The following ERC2 variants were observed in gnomAD, a reference collection of about 807,000 sequenced individuals.
ERC2 encodes ERC protein 2.
A neutral mutation model predicts 114.8 loss-of-function variants in ERC2; 42 were observed. The ratio of observed to expected loss-of-function variants is 0.37; its 90% CI spans 0.29 to 0.47. The LOEUF (loss-of-function observed/expected upper bound fraction) is 0.47. Ranked by LOEUF, ERC2 falls within the 20% of genes least tolerant of loss-of-function variation. The pLI is 0.99. For missense variants in ERC2, 939 were observed against 1,150.7 expected (o/e 0.82, Z 2.66); for synonymous variants, 454 against 425.5 (o/e 1.07, Z -0.82).
At chr3:56,079,623 C>G (rs1321719311) in intron 7 of ERC2, among the ~76,000 whole-genome samples, 4 of 152,090 alleles carry the variant, frequency 2.6e-5, no homozygotes, top group Admixed American at 6.5e-5. Context: ...GGACCTCTGA[C>G]CTGTGCAGCT....
chr3:55,944,066 A>T (rs1337619999), intron 13 of ERC2, among the ~76,000 whole-genome samples: 2 of 152,250 alleles, frequency 1.3e-5, no homozygotes, highest in African/African-American at 4.8e-5. Flanking sequence ...GAGTTTGCTT[A>T]GAAAGCCCCC....
intron 17 of ERC2, among the ~76,000 whole-genome samples, chr3:55,672,539 C>T (rs1576055771): frequency 6.6e-6 from 1 of 152,224 alleles, no homozygotes; most frequent in East Asian, 1.9e-4. Context: ...CATGGTGTCA[C>T]CTGTCTGCCC....
At chr3:55,648,780 G>A (rs1352197335) in intron 17 of ERC2, among the ~76,000 whole-genome samples, 2 of 152,132 alleles carry the variant, frequency 1.3e-5, no homozygotes, top group African/African-American at 4.8e-5. Flanking sequence ...GAAATGGTAT[G>A]TTAAGGGGCT....
intron 17 of ERC2, among the ~76,000 whole-genome samples, chr3:55,664,710 G>T (rs533276588): frequency 6.6e-6 from 1 of 152,242 alleles, no homozygotes; most frequent in East Asian, 1.9e-4. Context: ...CCTACATACC[G>T]CGGCCCAGAG....
chr3:55,722,026 G>C (rs2064590303), intron 15 of ERC2, among the ~76,000 whole-genome samples: 1 of 152,188 alleles, frequency 6.6e-6, no homozygotes, highest in African/African-American at 2.4e-5. Context: ...TAGACCTTCT[G>C]AGTTGCCATT....
chr3:55,885,581 G>A (rs1052328202), intron 14 of ERC2, among the ~76,000 whole-genome samples: 1 of 152,180 alleles, frequency 6.6e-6, no homozygotes, highest in Admixed American at 6.5e-5. Flanking sequence ...CAATAATGTG[G>A]CAATTCACCA....
intron 7 of ERC2, among the ~76,000 whole-genome samples, chr3:56,080,277 G>GAAGA (rs1271189621): frequency 1.3e-5 from 2 of 152,176 alleles, no homozygotes; most frequent in Non-Finnish European, 2.9e-5. Context: ...AGGAAGGAAG[G>GAAGA]AAGAGCCCTA....
intron 6 of ERC2, among the ~76,000 whole-genome samples, chr3:56,112,326 C>G (rs1027741222): frequency 6.6e-6 from 1 of 152,070 alleles, no homozygotes; most frequent in Non-Finnish European, 1.5e-5. Context: ...ATTTTTGTCA[C>G]AAGTTTAAAG....
At chr3:56,349,202 G>A (rs2058454858) in intron 2 of ERC2, among the ~76,000 whole-genome samples, 1 of 152,104 alleles carries the variant, frequency 6.6e-6, no homozygotes, top group Admixed American at 6.5e-5. Context: ...AAATAGAGCA[G>A]GCCTGGTGTA....
intron 14 of ERC2, among the ~76,000 whole-genome samples, chr3:55,801,877 G>T (rs1020254865): frequency 6.6e-6 from 1 of 152,244 alleles, no homozygotes; most frequent in Non-Finnish European, 1.5e-5. Context: ...TGCCTGGAGG[G>T]TTTGTTACAA....
chr3:56,375,653 G>C (rs2059512552), intron 2 of ERC2, among the ~76,000 whole-genome samples: 1 of 152,176 alleles, frequency 6.6e-6, no homozygotes, highest in Non-Finnish European at 1.5e-5. Flanking sequence ...AGAAATACTA[G>C]AGGGAGAGAA....
chr3:56,314,255 A>G (rs1164638327), intron 2 of ERC2, among the ~76,000 whole-genome samples: 2 of 152,136 alleles, frequency 1.3e-5, no homozygotes, highest in Non-Finnish European at 2.9e-5. Flanking sequence ...GCTGTGGGAT[A>G]TTGGCAGGTT....
chr3:56,413,527 A>G (rs1400470022), intron 2 of ERC2, among the ~76,000 whole-genome samples: 2 of 152,082 alleles, frequency 1.3e-5, no homozygotes, highest in Admixed American at 6.6e-5. Context: ...CCTCAGAATT[A>G]ATAAACTCAT....
chr3:55,515,194 T>A (rs1335644681), intron 17 of ERC2, among the ~76,000 whole-genome samples: 1 of 152,236 alleles, frequency 6.6e-6, no homozygotes, highest in Non-Finnish European at 1.5e-5. Context: ...TAGGAAAAGA[T>A]GTCCGTCCAC....
At chr3:56,240,856 T>A (rs904856247) in intron 3 of ERC2, among the ~76,000 whole-genome samples, 2 of 152,300 alleles carry the variant, frequency 1.3e-5, no homozygotes, top group East Asian at 3.9e-4. Context: ...CAGGGGTACA[T>A]GTGCAGGTTG....
intron 14 of ERC2, among the ~76,000 whole-genome samples, chr3:55,871,107 C>T (rs2062563595): frequency 1.3e-5 from 2 of 152,176 alleles, no homozygotes; most frequent in African/African-American, 4.8e-5. Flanking sequence ...ACCCCACTGA[C>T]CCCACAAATC....
chr3:55,736,064 C>T (rs563804210), intron 14 of ERC2, among the ~76,000 whole-genome samples: 5 of 152,240 alleles, frequency 3.3e-5, no homozygotes, highest in Admixed American at 2.6e-4. Context: ...AAAACATCTA[C>T]GAACCATCAG....
chr3:55,523,963 C>T (rs1466510998), intron 17 of ERC2, among the ~76,000 whole-genome samples: 2 of 152,188 alleles, frequency 1.3e-5, no homozygotes, highest in African/African-American at 4.8e-5. Flanking sequence ...TGTAGACTAC[C>T]TATTACTCCT....
chr3:56,346,376 A>G (rs1335198020), intron 2 of ERC2, among the ~76,000 whole-genome samples: 1 of 152,218 alleles, frequency 6.6e-6, no homozygotes, highest in Non-Finnish European at 1.5e-5. Context: ...CACACCATAT[A>G]TAAAAATCAA....
Sources: gnomAD v4.1 joint callset for allele counts (sites outside exome capture counted in the v4.1 genomes callset) on GRCh38, gnomAD v4.1.1 for gene constraint, MANE v1.5 for transcripts, NCBI Gene and HGNC (gene_info 2026-07-23, HGNC 2026-07-21) for gene names.